The following ARHGAP44 variants were observed in gnomAD, a reference collection of about 807,000 sequenced individuals.
ARHGAP44 encodes the protein rho GTPase-activating protein 44.
Under a neutral mutation model 106.8 loss-of-function variants are expected in ARHGAP44, and 43 were observed. The observed-to-expected ratio is 0.40, with a 90% CI of 0.32 to 0.52. The LOEUF is 0.52. Among genes scored for constraint, ARHGAP44 ranks in the 20% least tolerant of loss-of-function variants. ARHGAP44 has a pLI of 0.48. For synonymous variants in ARHGAP44, 439 were observed against 410.3 expected, an observed-to-expected ratio of 1.07 and a Z score of -0.85; for missense variants, 866 against 1,050.5, an observed-to-expected ratio of 0.82 and a Z score of 2.43.
At chr17:12,832,566 G>T (rs545652234) in intron 1 of ARHGAP44, among the ~76,000 whole-genome samples, 3 of 152,132 alleles carry the variant, frequency 2.0e-5, no homozygotes, top group African/African-American at 7.2e-5. Flanking sequence ...GCAAGAAGGG[G>T]CTTTGTTTTA....
At chr17:12,799,686 C>T (rs532585467) in intron 1 of ARHGAP44, among the ~76,000 whole-genome samples, 12 of 152,284 alleles carry the variant, frequency 7.9e-5, no homozygotes, top group African/African-American at 2.6e-4. Context: ...CCCTACCCTC[C>T]GACGTTCAGG....
At chr17:12,895,346 C>G (rs1202603754) in intron 2 of ARHGAP44, among the ~76,000 whole-genome samples, 2 of 152,084 alleles carry the variant, frequency 1.3e-5, no homozygotes, top group Non-Finnish European at 2.9e-5. Context: ...ACAGTTAGCC[C>G]GAGGGTCCTG....
intron 1 of ARHGAP44, among the ~76,000 whole-genome samples, chr17:12,807,181 G>A (rs576169074): frequency 2.6e-5 from 4 of 152,314 alleles, no homozygotes; most frequent in Admixed American, 6.5e-5. Flanking sequence ...TACACATAAA[G>A]TGGAATTGAA....
chr17:12,877,799 T>TA (rs2036602954), intron 1 of ARHGAP44, among the ~76,000 whole-genome samples: 1 of 152,196 alleles, frequency 6.6e-6, no homozygotes, highest in Admixed American at 6.5e-5. Flanking sequence ...ATTAATAGGT[T>TA]AAAAAAATAA....
intron 1 of ARHGAP44, among the ~76,000 whole-genome samples, chr17:12,867,134 A>T (rs2150875530): frequency 6.6e-6 from 1 of 151,356 alleles, no homozygotes; most frequent in African/African-American, 2.4e-5. Context: ...TAGTATGTTC[A>T]CCTGTCACTC....
At chr17:12,897,424 C>T (rs1406739144) in intron 3 of ARHGAP44, among the ~76,000 whole-genome samples, 1 of 148,588 alleles carries the variant, frequency 6.7e-6, no homozygotes, top group Non-Finnish European at 1.5e-5. Flanking sequence ...ACTTGTCCTA[C>T]GAGTCATTTC....
At chr17:12,891,391 A>G (rs1266372976) in intron 1 of ARHGAP44, among the ~76,000 whole-genome samples, 1 of 152,242 alleles carries the variant, frequency 6.6e-6, no homozygotes, top group East Asian at 1.9e-4. Flanking sequence ...TGGAGGAGCT[A>G]GCGTCTGGCA....
At chr17:12,977,108 G>A (rs2039703196) in intron 18 of ARHGAP44, among the ~76,000 whole-genome samples, 1 of 152,070 alleles carries the variant, frequency 6.6e-6, no homozygotes. Flanking sequence ...GGCAGGCAAT[G>A]GCACCCTCTG....
chr17:12,949,069 G>A lies in ARHGAP44; in HGVS notation c.862-71G>A, dbSNP rs1199899375. 10 of 1,407,920 alleles carry A rather than the reference G, an allele frequency of 7.1e-6. No homozygotes were observed. The highest frequency in any genetic ancestry group is 6.8e-6 in the Non-Finnish European group (7 of 1,023,600). The allele number at this position is 1,407,920 out of a possible 1,614,324, so 87.2% of individuals were successfully genotyped here. ...AGGTTTTGGAGAAAAGAAGCAGGCA[G>A]TTGCGGGGTCTCTGCGCTTTGATGT... On this transcript the variant is annotated intron_variant, in intron 10 of 20. Transcript: ENST00000379672. The surrounding 1 kb of genome is among the most constrained non-coding windows in gnomAD (Gnocchi z 4.1).
In ARHGAP44 at chr17:12,949,616, A is replaced by T. The variant is rs776535986; in HGVS notation, c.974-33A>T. 6.2e-7 allele frequency: 1 copy of T among 1,607,004 alleles called. No individual in the cohort carries two copies. The highest frequency in any genetic ancestry group is 1.1e-5 in the South Asian group (1 of 90,878). On this transcript the variant is annotated intron_variant, in intron 11 of 20. Coordinates refer to ENST00000379672, the MANE Select transcript of ARHGAP44 (RefSeq NM_014859.6). The surrounding 1 kb of genome is among the most constrained non-coding windows in gnomAD (Gnocchi z 4.1). ...TGGGTCTTGCCTCTGCCACATCATA[A>T]CAGTTCACAACCAATATTTCATTCA...
Position 12,943,589 on chromosome 17 carries a change from T to C in ARHGAP44, c.653T>C (p.Leu218Pro). ...EIDYANYFQTLIEVQAEYHRK... is the reference protein window; with the variant it reads ...EIDYANYFQTPIEVQAEYHRK... ...GATGCTTGCCTTGTGTCTTCTCAGC[T>C]AATAGAAGTGCAAGCTGAATACCAC... is the stretch of plus-strand genomic sequence containing the variant. The change falls in exon 9 of 21, where the codon CTA (leucine) becomes CCA (proline). Residue 218 changes from leucine to proline, a missense_variant and splice_region_variant. Transcript: ENST00000379672. 6.2e-7 allele frequency: 1 copy of C among 1,613,824 alleles called. No individual in the cohort carries two copies. Among genetic ancestry groups the C allele is most frequent in the South Asian group, 1.1e-5 (1 of 91,066 alleles).
intron 1 of ARHGAP44, among the ~76,000 whole-genome samples, chr17:12,799,840 G>C (rs1356650076): frequency 3.3e-5 from 5 of 152,162 alleles, no homozygotes; most frequent in Admixed American, 3.3e-4. Context: ...TGTTGGCCAG[G>C]CTGGTCTGGA....
chr17:12,990,910 T>G lies in ARHGAP44; in HGVS notation c.*739T>G, dbSNP rs2143514803. 1 of 152,630 alleles carries G rather than the reference T, an allele frequency of 6.6e-6. No individual in the cohort carries two copies. The highest frequency in any genetic ancestry group is 1.9e-4 in the East Asian group (1 of 5,192). 9.5% of individuals were successfully genotyped at this position (152,630 alleles called of 1,614,324 possible). A position where few individuals can be genotyped will look rare whatever the true frequency, so the allele number is the denominator to read the frequency against. On this transcript the variant is annotated 3_prime_UTR_variant, in exon 21 of 21. Coordinates refer to ENST00000379672, the MANE Select transcript of ARHGAP44 (RefSeq NM_014859.6). The stretch of plus-strand genomic sequence containing the variant: ...GTGTCTGGAGGAGCCAAAGGTGGCC[T>G]CCCTGTCCCCAAATATATTGGCTAT...
chr17:12,913,061 A>G (rs2150945786), intron 4 of ARHGAP44, among the ~76,000 whole-genome samples: 1 of 152,176 alleles, frequency 6.6e-6, no homozygotes. Context: ...ATACAGGAAA[A>G]CTCAATCCGC....
intron 16 of ARHGAP44, among the ~76,000 whole-genome samples, chr17:12,966,452 G>A (rs185087318): frequency 1.7e-3 from 261 of 152,256 alleles, no homozygotes; most frequent in African/African-American, 5.8e-3. Context: ...AAGGTGCTTC[G>A]TCGCTACTTA....
At chr17:12,833,019 C>G (rs902631315) in intron 1 of ARHGAP44, among the ~76,000 whole-genome samples, 11 of 152,206 alleles carry the variant, frequency 7.2e-5, no homozygotes, top group African/African-American at 2.7e-4. Context: ...AGTTTCTGTG[C>G]CTGGGCACAG....
intron 1 of ARHGAP44, among the ~76,000 whole-genome samples, chr17:12,854,559 A>C (rs2035850900): frequency 6.6e-6 from 1 of 152,192 alleles, no homozygotes; most frequent in Non-Finnish European, 1.5e-5. Flanking sequence ...AAAGAAAGTG[A>C]GGTGGACCTA....
intron 20 of ARHGAP44, among the ~76,000 whole-genome samples, chr17:12,989,361 G>C (rs8067847): frequency 1.9e-4 from 29 of 152,162 alleles, no homozygotes; most frequent in Admixed American, 1.9e-3. Flanking sequence ...TGCCGACTCA[G>C]AGACGTCCAG....
chr17:12,987,180 A>G (rs772635617), intron 20 of ARHGAP44: 114 of 1,519,212 alleles, frequency 7.5e-5, no homozygotes, highest in Non-Finnish European at 9.5e-5. Flanking sequence ...TCGCCCCTCC[A>G]CCCCGCTAGC....
Sources: gnomAD v4.1 joint callset for allele counts (sites outside exome capture counted in the v4.1 genomes callset) on GRCh38, gnomAD v4.1.1 for gene constraint, Gnocchi (gnomAD v3.1) non-coding constraint, MANE v1.5 for transcripts, NCBI Gene and HGNC (gene_info 2026-07-23, HGNC 2026-07-21) for gene names.